WWOX: variants seen among roughly 807,000 people sequenced by gnomAD.
WWOX encodes the protein WW domain containing oxidoreductase.
WWOX carries 69 observed loss-of-function variants against 46.2 expected under a neutral mutation model. The observed-to-expected ratio is 1.49, with a 90% CI of 1.23 to 1.82. WWOX has a LOEUF of 1.82. Among genes scored for constraint, WWOX ranks in the 40% most tolerant of loss-of-function variants. WWOX has a pLI of 0.00. For synonymous variants in WWOX, 359 were observed against 202.6 expected (o/e 1.77, Z -6.56); for missense variants, 919 against 542.6 (o/e 1.69, Z -6.89).
rs202178034 is a variant in WWOX, at chr16:78,133,980, G to C, written c.409+18826G>C. ...TAAGAGATTTTGTGCCTCTTGCACAGGTATTATCCCTAAGATGTGTTTTCT... is the reference window on the plus strand; with the variant it reads ...TAAGAGATTTTGTGCCTCTTGCACACGTATTATCCCTAAGATGTGTTTTCT... On this transcript the variant is annotated intron_variant, in intron 4 of 8. Transcript: ENST00000566780. Among the ~76,000 whole-genome samples the C allele has an allele frequency of 5.9e-5, 9 of 152,304 alleles. No homozygotes were observed. In the East Asian group the frequency reaches 1.7e-3, roughly 29 times the overall value.
intron 8 of WWOX, among the ~76,000 whole-genome samples, chr16:78,815,458 A>G (rs1036650211): frequency 8.5e-5 from 13 of 152,208 alleles, no homozygotes; most frequent in African/African-American, 3.1e-4. Flanking sequence ...CTTTACAAAC[A>G]GTGCCTTTAC....
At chr16:78,585,281 C>T (rs544886498) in intron 8 of WWOX, among the ~76,000 whole-genome samples, 1 of 152,184 alleles carries the variant, frequency 6.6e-6, no homozygotes, top group African/African-American at 2.4e-5. Context: ...AAGACCAGGC[C>T]TTGGCAGCAG....
chr16:78,416,713 A>G (rs988234334), intron 6 of WWOX, among the ~76,000 whole-genome samples: 1 of 152,374 alleles, frequency 6.6e-6, no homozygotes, highest in Middle Eastern at 3.4e-3. Context: ...TCTTAAAATT[A>G]GGTAAACACT....
At chr16:78,800,667 T>G (rs996285610) in intron 8 of WWOX, among the ~76,000 whole-genome samples, 1 of 152,220 alleles carries the variant, frequency 6.6e-6, no homozygotes, top group Admixed American at 6.5e-5. Flanking sequence ...CAGCAAAGAT[T>G]CAACTGAAAA....
intron 8 of WWOX, among the ~76,000 whole-genome samples, chr16:79,053,266 C>G (rs1192357817): frequency 3.9e-5 from 6 of 152,018 alleles, no homozygotes; most frequent in Admixed American, 1.3e-4. Context: ...CTTTTTTCCC[C>G]TACATAAATT....
chr16:78,834,257 A>G (rs954922876), intron 8 of WWOX, among the ~76,000 whole-genome samples: 7 of 152,168 alleles, frequency 4.6e-5, no homozygotes, highest in Non-Finnish European at 1.0e-4. Flanking sequence ...AGAGGCCCAA[A>G]AGGCTGATCT....
intron 5 of WWOX, 80 bp downstream of exon 5, chr16:78,164,369 G>A (rs1439827806): frequency 7.9e-7 from 1 of 1,272,160 alleles, no homozygotes; most frequent in Non-Finnish European, 1.1e-6. Flanking sequence ...TCAGTGGAGT[G>A]TGTAAAGTTT....
At chr16:78,675,002 T>C (rs1295696070) in intron 8 of WWOX, among the ~76,000 whole-genome samples, 1 of 152,162 alleles carries the variant, frequency 6.6e-6, no homozygotes, top group Admixed American at 6.5e-5. Context: ...TGAAGAGTTA[T>C]CTTAAATATT....
chr16:78,100,145 C>G (rs1422811737), intron 1 of WWOX: 1 of 1,317,442 alleles, frequency 7.6e-7, no homozygotes, highest in African/African-American at 1.6e-5. Context: ...CGCGGCGCGG[C>G]GAGGGCAAAG....
chr16:79,007,152 T>A (rs2047207713), intron 8 of WWOX, among the ~76,000 whole-genome samples: 1 of 152,082 alleles, frequency 6.6e-6, no homozygotes, highest in African/African-American at 2.4e-5. Context: ...CTTCCAAAAC[T>A]TATGTTCCAG....
At chr16:79,099,330 T>C (rs1310712045) in intron 8 of WWOX, among the ~76,000 whole-genome samples, 1 of 152,152 alleles carries the variant, frequency 6.6e-6, no homozygotes, top group Admixed American at 6.5e-5. Flanking sequence ...ATGATATATC[T>C]TTCACATTTC....
At chr16:78,399,020 C>G (rs1173838173) in intron 6 of WWOX, among the ~76,000 whole-genome samples, 3 of 147,228 alleles carry the variant, frequency 2.0e-5, no homozygotes, top group Non-Finnish European at 4.4e-5. Context: ...GGCTGGCTGG[C>G]TAGATGGATA....
intron 8 of WWOX, among the ~76,000 whole-genome samples, chr16:78,770,631 G>A (rs1213803847): frequency 6.6e-6 from 1 of 152,178 alleles, no homozygotes; most frequent in Non-Finnish European, 1.5e-5. Flanking sequence ...TCAGCCTGCA[G>A]GGGTGGAGTG....
chr16:78,396,703 T>G (rs1300219425), intron 6 of WWOX, among the ~76,000 whole-genome samples: 1 of 152,248 alleles, frequency 6.6e-6, no homozygotes, highest in Non-Finnish European at 1.5e-5. Context: ...AAAGTTTTTC[T>G]GCAAAGAATC....
intron 8 of WWOX, among the ~76,000 whole-genome samples, chr16:78,826,871 C>T (rs1025231857): frequency 4.6e-5 from 7 of 152,206 alleles, no homozygotes; most frequent in East Asian, 1.9e-4. Context: ...CCTCTGCCTC[C>T]ATCTCCCTTT....
At chr16:78,410,311 T>A (rs1338825079) in intron 6 of WWOX, among the ~76,000 whole-genome samples, 1 of 152,182 alleles carries the variant, frequency 6.6e-6, no homozygotes, top group Non-Finnish European at 1.5e-5. Context: ...AAGAATAGCT[T>A]AACACACAAG....
chr16:78,980,038 G>T (rs2046650206), intron 8 of WWOX, among the ~76,000 whole-genome samples: 1 of 152,164 alleles, frequency 6.6e-6, no homozygotes, highest in Non-Finnish European at 1.5e-5. Flanking sequence ...TGAGGCAGGA[G>T]AATCACTTGA....
At chr16:78,652,642 T>C (rs1026406759) in intron 8 of WWOX, among the ~76,000 whole-genome samples, 1 of 152,126 alleles carries the variant, frequency 6.6e-6, no homozygotes, top group African/African-American at 2.4e-5. Context: ...CAGCCAAGAT[T>C]CCTCGACCAC....
intron 5 of WWOX, among the ~76,000 whole-genome samples, chr16:78,322,600 TAGACCTGA>T (rs2080509752): frequency 6.6e-6 from 1 of 152,210 alleles, no homozygotes; most frequent in Admixed American, 6.5e-5. Flanking sequence ...CAAACCCAGG[TAGACCTGA>T]ATTAAATCTT....
Sources: gnomAD v4.1 joint callset for allele counts (sites outside exome capture counted in the v4.1 genomes callset) on GRCh38, gnomAD v4.1.1 for gene constraint, MANE v1.5 for transcripts, NCBI Gene and HGNC (gene_info 2026-07-23, HGNC 2026-07-21) for gene names.